EPS15L1: variants seen among roughly 807,000 people sequenced by gnomAD.
EPS15L1 encodes epidermal growth factor receptor substrate 15-like 1.
In EPS15L1, 43 loss-of-function variants were observed where a neutral mutation model predicts 117.1. The ratio of observed to expected loss-of-function variants is 0.37; its 90% CI spans 0.29 to 0.47. The LOEUF is 0.47. EPS15L1 is among the 20% of genes least tolerant of loss of function. The pLI, the probability that EPS15L1 is intolerant of heterozygous loss-of-function variation, is 0.99. For missense variants in EPS15L1, 981 were observed against 1,164.0 expected, an observed-to-expected ratio of 0.84 and a Z score of 2.29; for synonymous variants, 459 against 470.5, an observed-to-expected ratio of 0.98 and a Z score of 0.32.
At chr19:16,401,654 G>A (rs768769469) in intron 16 of EPS15L1, 142 of 985,304 alleles carry the variant, frequency 1.4e-4, no homozygotes, top group Admixed American at 2.5e-4. Context: ...TAAGGAAAAG[G>A]TCACACCTGT....
chr19:16,378,268 C>T (rs2092320866), intron 21 of EPS15L1, among the ~76,000 whole-genome samples: 1 of 152,054 alleles, frequency 6.6e-6, no homozygotes, highest in East Asian at 1.9e-4. Context: ...GCAGGGACTT[C>T]ATCGCTGCCC....
intron 21 of EPS15L1, among the ~76,000 whole-genome samples, chr19:16,379,261 C>T (rs554412099): frequency 1.3e-5 from 2 of 152,100 alleles, no homozygotes; most frequent in Admixed American, 6.5e-5. Context: ...GCTGAGATCC[C>T]GCCACAGCAG....
intron 20 of EPS15L1, among the ~76,000 whole-genome samples, chr19:16,385,515 G>T (rs767014421): frequency 6.6e-6 from 1 of 152,194 alleles, no homozygotes; most frequent in Non-Finnish European, 1.5e-5. Flanking sequence ...AATGGGTCAG[G>T]AGGCGAGGAG....
chr19:16,410,755 A>C (rs1341571634), intron 13 of EPS15L1, among the ~76,000 whole-genome samples: 1 of 152,092 alleles, frequency 6.6e-6, no homozygotes, highest in African/African-American at 2.4e-5. Flanking sequence ...TGCAAAAAAA[A>C]ATTAAAAATT....
At chr19:16,413,328 A>C in intron 13 of EPS15L1, 1 of 684,620 alleles carries the variant, frequency 1.5e-6, no homozygotes, top group African/African-American at 1.8e-5. Flanking sequence ...TGTGTCCAAG[A>C]AGCTGCTCAT....
intron 4 of EPS15L1, among the ~76,000 whole-genome samples, chr19:16,440,101 T>C (rs1020363840): frequency 2.0e-5 from 3 of 149,594 alleles, no homozygotes; most frequent in East Asian, 2.0e-4. Flanking sequence ...TTAAGGCCTT[T>C]AGTCAAAGTT....
chr19:16,434,177 G>A (rs940582787), intron 7 of EPS15L1, among the ~76,000 whole-genome samples, 188 bp downstream of exon 7: 3 of 152,164 alleles, frequency 2.0e-5, no homozygotes, highest in African/African-American at 4.8e-5. Flanking sequence ...GGTGAACACT[G>A]TAAGCCACAC....
Position 16,394,018 on chromosome 19 carries a change from A to G in EPS15L1, c.1916-17T>C. 6.2e-7 allele frequency: 1 copy of G among 1,613,726 alleles called. No individual in the cohort carries two copies. The highest frequency in any genetic ancestry group is 8.5e-7 in the Non-Finnish European group (1 of 1,179,644). On this transcript the variant is annotated splice_polypyrimidine_tract_variant and intron_variant, in intron 17 of 23. Coordinates refer to ENST00000455140, the MANE Select transcript of EPS15L1 (RefSeq NM_001258374.3). The stretch of plus-strand genomic sequence containing the variant: ...ACGGGTCGCCTGGTTGGAAGAGGAG[A>G]GAAATGCTTATTAGCTCTAGGGCAC...
chr19:16,401,279 TC>T (rs2092598847), intron 16 of EPS15L1: 12 of 985,212 alleles, frequency 1.2e-5, no homozygotes, highest in Admixed American at 6.2e-5. Flanking sequence ...CGCGTGTGCT[TC>T]CCCATAAATC....
intron 20 of EPS15L1, among the ~76,000 whole-genome samples, 164 bp from the exon 21 acceptor site, chr19:16,385,375 C>G (rs1376652524): frequency 6.6e-6 from 1 of 152,184 alleles, no homozygotes; most frequent in East Asian, 1.9e-4. Context: ...CAAGGCCCCC[C>G]TGCCCACTCT....
chr19:16,395,201 C>CAAAA, intron 17 of EPS15L1, 143 bp downstream of exon 17: 19 of 458,112 alleles, frequency 4.1e-5, no homozygotes, highest in Non-Finnish European at 5.0e-5. Flanking sequence ...AGTTCGTCTC[C>CAAAA]AAAAAAAAAA....
chr19:16,444,727 GTTT>G (rs561228808), intron 1 of EPS15L1, among the ~76,000 whole-genome samples: 4 of 140,560 alleles, frequency 2.8e-5, no homozygotes, highest in African/African-American at 2.6e-5. Context: ...TTCCAGACAA[GTTT>G]TTTTTTTTTT....
At chr19:16,431,182 T>C (rs1216383803) in intron 7 of EPS15L1, among the ~76,000 whole-genome samples, 1 of 149,970 alleles carries the variant, frequency 6.7e-6, no homozygotes, top group Non-Finnish European at 1.5e-5. Flanking sequence ...GAGGTTGCAG[T>C]GAGCCAAGAT....
chr19:16,415,849 C>T (rs2092753399), intron 12 of EPS15L1, among the ~76,000 whole-genome samples: 1 of 152,222 alleles, frequency 6.6e-6, no homozygotes, highest in African/African-American at 2.4e-5. Flanking sequence ...CTTGGCCTGC[C>T]CGGTCCTGAT....
rs868707095 is a variant in EPS15L1 at position 16,371,265 on chromosome 19, G to T, written c.2380+5857C>A. ...GCACTTAGGACCTCAGGGCTTCCTC[G>T]GTGGCTGCATCCTGTGTGGCACCCC... On this transcript the variant is annotated intron_variant, in intron 22 of 23. Coordinates refer to ENST00000455140, the MANE Select transcript of EPS15L1 (RefSeq NM_001258374.3). The surrounding 1 kb of genome is among the most constrained non-coding windows in gnomAD (Gnocchi z 4.7). Among the ~76,000 whole-genome samples the T allele has an allele frequency of 1.3e-5, 2 of 152,162 alleles. No homozygotes were observed. Among genetic ancestry groups the T allele is most frequent in the Non-Finnish European group, 2.9e-5 (2 of 68,024 alleles).
chr19:16,420,630 G>T (rs1211649691), intron 10 of EPS15L1, among the ~76,000 whole-genome samples: 19 of 152,212 alleles, frequency 1.2e-4, no homozygotes, highest in Non-Finnish European at 2.9e-5. Context: ...GGAGGTATTT[G>T]CCTCTCGAGA....
At chr19:16,410,604 G>A (rs1278970970) in intron 13 of EPS15L1, among the ~76,000 whole-genome samples, 1 of 152,086 alleles carries the variant, frequency 6.6e-6, no homozygotes, top group African/African-American at 2.4e-5. Context: ...ATGAGGGATG[G>A]ATGAGTAAAA....
In EPS15L1 at chr19:16,471,876, C is replaced by T. The variant is rs1295567635; in HGVS notation, c.33+37G>A. 8.0e-7 allele frequency: 1 copy of T among 1,248,462 alleles called. No homozygotes were observed. The allele number at this position is 1,248,462 out of a possible 1,614,324, so 77.3% of individuals were successfully genotyped here. A position where few individuals can be genotyped will look rare whatever the true frequency, so the allele number is the denominator to read the frequency against. The stretch of plus-strand genomic sequence containing the variant: ...GCCGCACCGCTCGCCTCGCGCCCCG[C>T]ACCCCGGCGCCGCCCCCAGGCCCGC... On this transcript the variant is annotated intron_variant, in intron 1 of 23. Transcript: ENST00000455140. This position sits in a 1 kb window ranked among gnomAD's most constrained non-coding sequence, Gnocchi z 4.8.
chr19:16,387,679 T>A (rs976433058), intron 19 of EPS15L1, among the ~76,000 whole-genome samples: 3 of 152,130 alleles, frequency 2.0e-5, no homozygotes, highest in Non-Finnish European at 4.4e-5. Context: ...GGCAGAAGAA[T>A]GGCTTGAACC....
Sources: allele counts gnomAD v4.1 joint callset (sites outside exome capture counted in the v4.1 genomes callset), GRCh38; gene constraint gnomAD v4.1.1; non-coding constraint Gnocchi (gnomAD v3.1); transcripts MANE v1.5; gene names NCBI Gene and HGNC (gene_info 2026-07-23, HGNC 2026-07-21).